The following SUGCT variants were observed in gnomAD, a reference collection of about 807,000 sequenced individuals.
The protein encoded by SUGCT is succinyl-CoA:glutarate CoA-transferase.
A neutral mutation model predicts 55.0 loss-of-function variants in SUGCT; 41 were observed. The observed-to-expected ratio is 0.74, with a 90% CI of 0.58 to 0.97. SUGCT has a LOEUF of 0.97. Ranked by LOEUF, SUGCT falls within the 50% of genes least tolerant of loss-of-function variation. SUGCT has a pLI of 0.00. For missense variants in SUGCT, 568 were observed against 547.8 expected, an observed-to-expected ratio of 1.04 and a Z score of -0.37; for synonymous variants, 187 against 200.4, an observed-to-expected ratio of 0.93 and a Z score of 0.56.
chr7:40,992,423 C>T, the SUGCT span, among the ~76,000 whole-genome samples: 1 of 152,122 alleles, frequency 6.6e-6, no homozygotes, highest in African/African-American at 2.4e-5. Flanking sequence ...TCTTTACGAC[C>T]TGTATTTTGT....
At chr7:40,582,980 T>C (rs1797185157) in intron 12 of SUGCT, among the ~76,000 whole-genome samples, 1 of 152,176 alleles carries the variant, frequency 6.6e-6, no homozygotes, top group Non-Finnish European at 1.5e-5. Flanking sequence ...TATGTATAAG[T>C]AAACATTTCT....
chr7:40,291,954 C>T (rs1467529066), intron 8 of SUGCT, among the ~76,000 whole-genome samples: 2 of 152,132 alleles, frequency 1.3e-5, no homozygotes, highest in East Asian at 1.9e-4. Flanking sequence ...CCAGCTTTGT[C>T]GACACCTTGA....
chr7:40,447,100 A>AT (rs1170131494), intron 9 of SUGCT, among the ~76,000 whole-genome samples: 1 of 151,658 alleles, frequency 6.6e-6, no homozygotes, highest in African/African-American at 2.4e-5. Flanking sequence ...ATTAACAATC[A>AT]CTCCCCATCT....
chr7:40,272,814 C>A (rs1000829632), intron 7 of SUGCT, among the ~76,000 whole-genome samples: 1 of 151,740 alleles, frequency 6.6e-6, no homozygotes, highest in African/African-American at 2.4e-5. Flanking sequence ...TATGTGCCAC[C>A]ACACCTGGCT....
At chr7:40,908,100 G>A in the SUGCT span, among the ~76,000 whole-genome samples, 6 of 152,064 alleles carry the variant, frequency 3.9e-5, no homozygotes, top group East Asian at 1.9e-4. Flanking sequence ...TGGACCGGCC[G>A]GGTGCGGTGG....
chr7:40,271,483 G>C (rs559309221), intron 7 of SUGCT, among the ~76,000 whole-genome samples: 193 of 152,108 alleles, frequency 1.3e-3, no homozygotes, highest in South Asian at 0.011. Flanking sequence ...TTTTAAGTGT[G>C]ATCTGGGTTA....
intron 13 of SUGCT, among the ~76,000 whole-genome samples, chr7:40,831,509 C>T (rs766201530): frequency 4.6e-5 from 7 of 152,158 alleles, no homozygotes; most frequent in Non-Finnish European, 7.3e-5. Flanking sequence ...GGCTGTCATA[C>T]GAAACTTCAA....
At chr7:41,027,182 C>T in the SUGCT span, among the ~76,000 whole-genome samples, 4 of 152,174 alleles carry the variant, frequency 2.6e-5, no homozygotes, top group Non-Finnish European at 5.9e-5. Flanking sequence ...TTTTAGCCTA[C>T]GGCCTTAATG....
chr7:40,336,263 A>C lies in SUGCT; in HGVS notation c.816+19408A>C, dbSNP rs368542761. On this transcript the variant is annotated intron_variant, in intron 9 of 13. Transcript: ENST00000335693. ...GATATCAGGATGATGCTGGCCTCAT[A>C]AAATGAGTTAGGGAGGACTCCTTCT... Among the ~76,000 whole-genome samples, 24 of 152,312 alleles carry C rather than the reference A, an allele frequency of 1.6e-4. 1 individual carries two copies. In the East Asian group the frequency reaches 2.9e-3, roughly 18 times the overall value.
intron 12 of SUGCT, among the ~76,000 whole-genome samples, chr7:40,551,684 T>G (rs1795306574): frequency 6.6e-6 from 1 of 152,156 alleles, no homozygotes; most frequent in East Asian, 1.9e-4. Context: ...AAGAGACCGT[T>G]CAGTTGGAGA....
At chr7:40,330,102 C>T (rs1796230027) in intron 9 of SUGCT, among the ~76,000 whole-genome samples, 2 of 152,200 alleles carry the variant, frequency 1.3e-5, no homozygotes, top group African/African-American at 2.4e-5. Flanking sequence ...ACAGAATAAA[C>T]ATACAGATTT....
At chr7:40,318,710 T>A (rs1487088297) in intron 9 of SUGCT, among the ~76,000 whole-genome samples, 1 of 152,236 alleles carries the variant, frequency 6.6e-6, no homozygotes, top group African/African-American at 2.4e-5. Flanking sequence ...GTACTGGGAT[T>A]ACAGGCATGA....
intron 12 of SUGCT, among the ~76,000 whole-genome samples, chr7:40,575,105 G>A (rs1796658429): frequency 6.7e-6 from 1 of 149,880 alleles, no homozygotes; most frequent in Non-Finnish European, 1.5e-5. Context: ...GCAGGATGGT[G>A]GGCAGGAGGG....
At chr7:41,023,343 A>G in the SUGCT span, among the ~76,000 whole-genome samples, 2 of 152,224 alleles carry the variant, frequency 1.3e-5, no homozygotes, top group Admixed American at 1.3e-4. Flanking sequence ...ATAAAGAAAT[A>G]TACTTTGAAA....
At chr7:40,478,900 A>G (rs1210708399) in intron 11 of SUGCT, among the ~76,000 whole-genome samples, 1 of 152,128 alleles carries the variant, frequency 6.6e-6, no homozygotes, top group Non-Finnish European at 1.5e-5. Context: ...TTCGATATAT[A>G]TATGGAATTC....
chr7:40,802,765 A>G (rs1180122119), intron 13 of SUGCT, among the ~76,000 whole-genome samples: 2 of 152,238 alleles, frequency 1.3e-5, no homozygotes, highest in Non-Finnish European at 2.9e-5. Context: ...GCTGGTAGAA[A>G]TCACAATATT....
chr7:40,590,977 G>A (rs1486701748), intron 12 of SUGCT, among the ~76,000 whole-genome samples: 1 of 152,182 alleles, frequency 6.6e-6, no homozygotes, highest in Non-Finnish European at 1.5e-5. Flanking sequence ...CGCTGATGGA[G>A]ATGTGTAGGG....
At chr7:40,200,997 T>G (rs569985050) in intron 6 of SUGCT, among the ~76,000 whole-genome samples, 1 of 152,316 alleles carries the variant, frequency 6.6e-6, no homozygotes, top group Non-Finnish European at 1.5e-5. Context: ...TGCAGTTGGA[T>G]TCTTACGGCA....
At chr7:40,709,219 G>A (rs559679142) in intron 12 of SUGCT, among the ~76,000 whole-genome samples, 1 of 152,158 alleles carries the variant, frequency 6.6e-6, no homozygotes, top group Non-Finnish European at 1.5e-5. Context: ...ACTCCTATGG[G>A]TATTCCCACA....
Sources: allele counts gnomAD v4.1 joint callset (sites outside exome capture counted in the v4.1 genomes callset), GRCh38; gene constraint gnomAD v4.1.1; transcripts MANE v1.5; gene names NCBI Gene and HGNC (gene_info 2026-07-23, HGNC 2026-07-21).